STOX2: variants seen among roughly 807,000 people sequenced by gnomAD.
STOX2 encodes the protein storkhead box 2.
STOX2 carries 28 observed loss-of-function variants against 60.9 expected under a neutral mutation model. That is an observed-to-expected ratio of 0.46 (90% CI 0.34 to 0.63). STOX2 has a LOEUF of 0.63. Among genes scored for constraint, STOX2 ranks in the 30% least tolerant of loss-of-function variants. STOX2 has a pLI of 0.01. For synonymous variants in STOX2, 472 were observed against 463.9 expected (o/e 1.02, Z -0.22); for missense variants, 1,024 against 1,187.7 (o/e 0.86, Z 2.03).
At chr4:183,910,668 G>A (rs538575136) in intron 1 of STOX2, among the ~76,000 whole-genome samples, 1 of 152,162 alleles carries the variant, frequency 6.6e-6, no homozygotes, top group Non-Finnish European at 1.5e-5. Context: ...ATGAGAAAGC[G>A]AAGTCCTGGC....
chr4:183,846,235 T>C (rs953842521), intron 1 of STOX2, among the ~76,000 whole-genome samples: 6 of 152,246 alleles, frequency 3.9e-5, no homozygotes, highest in African/African-American at 1.4e-4. Flanking sequence ...GATTCTCTTT[T>C]TGTATTTCGA....
chr4:184,011,370 C>T lies in STOX2; in HGVS notation c.2532C>T (p.Leu844=), dbSNP rs17365239. The change falls in exon 3 of 4, where the codon CTC becomes CTT. Residue 844 remains leucine (L), a synonymous_variant. Coordinates refer to ENST00000308497, the MANE Select transcript of STOX2 (RefSeq NM_020225.3). This position sits in a 1 kb window ranked among gnomAD's most constrained non-coding sequence, Gnocchi z 4.4. Reference sequence around the variant, plus strand: ...AGAGAGCCACCCATTCAGCCCGGCTCGACAGCATGGACAGCAGCAGCATCA... The same window carrying T: ...AGAGAGCCACCCATTCAGCCCGGCTTGACAGCATGGACAGCAGCAGCATCA... The part of the protein sequence containing the change: ...SNQRATHSAR[L]DSMDSSSITV... 0.014 allele frequency: 22,955 copies of T among 1,613,758 alleles called. 209 individuals carry two copies. Among genetic ancestry groups the T allele is most frequent in the Non-Finnish European group, 0.016 (18,464 of 1,179,804 alleles).
At chr4:183,970,139 CGT>C (rs3042606) in intron 1 of STOX2, among the ~76,000 whole-genome samples, 3,668 of 126,938 alleles carry the variant, frequency 0.029, 161 homozygotes, top group African/African-American at 0.1. Flanking sequence ...ACTACATGTA[CGT>C]GTGTGTGTGT....
At chr4:183,997,771 T>A (rs1158065949) in intron 1 of STOX2, among the ~76,000 whole-genome samples, 5 of 152,186 alleles carry the variant, frequency 3.3e-5, no homozygotes, top group Non-Finnish European at 5.9e-5. Flanking sequence ...GTGGAGACAG[T>A]TACTTAGAAC....
At chr4:183,941,648 G>A (rs955571214) in intron 1 of STOX2, among the ~76,000 whole-genome samples, 9 of 152,144 alleles carry the variant, frequency 5.9e-5, no homozygotes, top group African/African-American at 2.2e-4. Flanking sequence ...GGGGTATGGC[G>A]ATAGACAACA....
At chr4:183,981,299 A>G (rs566170822) in intron 1 of STOX2, among the ~76,000 whole-genome samples, 1 of 152,282 alleles carries the variant, frequency 6.6e-6, no homozygotes, top group Admixed American at 6.5e-5. Flanking sequence ...ACAGAGTAGA[A>G]TGCATAGACT....
Position 183,993,849 on chromosome 4 carries a change from G to A in STOX2, c.167-7476G>A, listed in dbSNP as rs540198462. ...CAAAGGAAAGCTGCTTAAAACGCAG[G>A]AGCATGTGAGGTAATGGGAGCCGTC... On this transcript the variant is annotated intron_variant, in intron 1 of 3. Coordinates refer to ENST00000308497, the MANE Select transcript of STOX2 (RefSeq NM_020225.3). 1.1e-4 allele frequency among the ~76,000 whole-genome samples: 16 copies of A among 152,308 alleles called. No homozygotes were observed. The East Asian group carries it at 2.9e-3, about 28-fold the overall frequency.
chr4:183,810,657 G>A (rs1739013986), intron 1 of STOX2, among the ~76,000 whole-genome samples: 1 of 152,132 alleles, frequency 6.6e-6, no homozygotes, highest in South Asian at 2.1e-4. Context: ...CCTCATCAAT[G>A]GATTAATGCT....
At chr4:183,866,517 A>G (rs995816092) in intron 1 of STOX2, among the ~76,000 whole-genome samples, 1 of 152,136 alleles carries the variant, frequency 6.6e-6, no homozygotes, top group Non-Finnish European at 1.5e-5. Flanking sequence ...TTTATGAAGA[A>G]GAGGATGGTG....
At chr4:183,833,327 T>A (rs896269589) in intron 1 of STOX2, among the ~76,000 whole-genome samples, 6 of 152,154 alleles carry the variant, frequency 3.9e-5, no homozygotes, top group Non-Finnish European at 7.3e-5. Flanking sequence ...CATCAAAGAA[T>A]GTCTAACTCT....
At chr4:183,870,071 G>A (rs1252746773) in intron 1 of STOX2, among the ~76,000 whole-genome samples, 1 of 152,154 alleles carries the variant, frequency 6.6e-6, no homozygotes, top group Non-Finnish European at 1.5e-5. Context: ...GTTGTAAGTA[G>A]TAGTGAATAC....
intron 1 of STOX2, among the ~76,000 whole-genome samples, chr4:183,916,668 GAA>G (rs1177492273): frequency 1.3e-5 from 2 of 152,178 alleles, no homozygotes; most frequent in Non-Finnish European, 2.9e-5. Flanking sequence ...TAAAACTGTA[GAA>G]TCCCATCAGA....
At chr4:183,798,703 A>G in intron 1 of STOX2, 1 of 985,282 alleles carries the variant, frequency 1.0e-6, no homozygotes, top group Non-Finnish European at 1.2e-6. Flanking sequence ...AGGCCGGAGG[A>G]AAAAAAATCT....
At chr4:183,972,561 A>G (rs911885801) in intron 1 of STOX2, among the ~76,000 whole-genome samples, 8 of 152,338 alleles carry the variant, frequency 5.3e-5, no homozygotes, top group African/African-American at 1.7e-4. Flanking sequence ...GTATACATGT[A>G]AGACAGATCC....
intron 1 of STOX2, among the ~76,000 whole-genome samples, chr4:183,844,774 T>C (rs183128743): frequency 6.6e-6 from 1 of 152,360 alleles, no homozygotes; most frequent in East Asian, 1.9e-4. Context: ...GGAGTTAGCA[T>C]GTTCATTCAT....
At position 184,001,253 on chromosome 4, in the gene STOX2, C is replaced by T. The variant is rs1733579166; in HGVS notation, c.167-72C>T. 7 of 1,482,554 alleles carry T rather than the reference C, an allele frequency of 4.7e-6. No homozygotes were observed. The highest frequency in any genetic ancestry group is 6.5e-6 in the Non-Finnish European group (7 of 1,072,386). 91.8% of individuals were successfully genotyped at this position (1,482,554 alleles called of 1,614,324 possible). A position where few individuals can be genotyped will look rare whatever the true frequency, so the allele number is the denominator to read the frequency against. ...TCGTCAGACCAGGGCCAGATGGACG[C>T]GTGAAGGCGTGTGTCTGACAGATGA... On this transcript the variant is annotated intron_variant, in intron 1 of 3. Transcript: ENST00000308497. The surrounding 1 kb of genome is among the most constrained non-coding windows in gnomAD (Gnocchi z 4.2).
At chr4:183,810,045 C>A (rs1739000183) in intron 1 of STOX2, among the ~76,000 whole-genome samples, 1 of 152,170 alleles carries the variant, frequency 6.6e-6, no homozygotes, top group Non-Finnish European at 1.5e-5. Context: ...ATGTTCACTG[C>A]CATTTTTACC....
intron 1 of STOX2, among the ~76,000 whole-genome samples, chr4:183,958,310 T>C (rs1265412953): frequency 1.3e-5 from 2 of 152,114 alleles, no homozygotes; most frequent in African/African-American, 4.8e-5. Context: ...CAGGAGTTCA[T>C]AGAGATATCA....
upstream of STOX2, among the ~76,000 whole-genome samples, chr4:183,900,397 A>G (rs1741436610): frequency 6.6e-6 from 1 of 152,216 alleles, no homozygotes; most frequent in African/African-American, 2.4e-5. Context: ...AGCAGAATAA[A>G]TTGGAAACTT....
Sources: gnomAD v4.1 joint callset for allele counts (sites outside exome capture counted in the v4.1 genomes callset) on GRCh38, gnomAD v4.1.1 for gene constraint, Gnocchi (gnomAD v3.1) non-coding constraint, MANE v1.5 for transcripts, NCBI Gene and HGNC (gene_info 2026-07-23, HGNC 2026-07-21) for gene names.